ALMS1: variants seen among roughly 807,000 people sequenced by gnomAD.
The protein encoded by ALMS1 is ALMS1 centrosome and basal body associated protein, also known as centrosome-associated protein ALMS1.
Under a neutral mutation model 352.2 loss-of-function variants are expected in ALMS1, and 271 were observed. That is an observed-to-expected ratio of 0.77 (90% CI 0.70 to 0.85). ALMS1 has a LOEUF of 0.85. Among genes scored for constraint, ALMS1 ranks in the 40% least tolerant of loss-of-function variants. ALMS1 has a pLI of 0.00. For missense variants in ALMS1, 5,445 were observed against 4,870.7 expected, an observed-to-expected ratio of 1.12 and a Z score of -3.51; for synonymous variants, 1,865 against 1,761.2, an observed-to-expected ratio of 1.06 and a Z score of -1.48.
In ALMS1 at chr2:73,490,817, A is replaced by G; in HGVS notation, c.8858A>G (p.Gln2953Arg). The G allele has an allele frequency of 1.2e-6, 2 of 1,614,068 alleles. No individual in the cohort carries two copies. Among genetic ancestry groups the G allele is most frequent in the Non-Finnish European group, 8.5e-7 (1 of 1,180,014 alleles). Residue 2953 changes from glutamine (Q) to arginine (R), a missense_variant, in exon 10 of 23, where the codon CAG (glutamine) becomes CGG (arginine). Coordinates refer to ENST00000613296, the MANE Select transcript of ALMS1 (RefSeq NM_001378454.1). ...AACCATTCTCCCCTTCCTCAAGGTCAGGATTCTATAGCTTCAGACCTTCCG... is the reference window on the plus strand; with the variant it reads ...AACCATTCTCCCCTTCCTCAAGGTCGGGATTCTATAGCTTCAGACCTTCCG... ...RENHSPLPQG[Q>R]DSIASDLPSP...
At position 73,559,054 on chromosome 2, in the gene ALMS1, T is replaced by C. The variant is rs1674602608; in HGVS notation, c.10296T>C (p.Ile3432=). 1 of 1,613,980 alleles carries C rather than the reference T, an allele frequency of 6.2e-7. No individual in the cohort carries two copies. Among genetic ancestry groups the C allele is most frequent in the Non-Finnish European group, 8.5e-7 (1 of 1,179,952 alleles). ...AGAACTTGCCAGACACTAAAGCCAT[T>C]ACACAGAAAGAGGAGATCCATAGGA... The part of the protein sequence containing the change: ...EMKNLPDTKA[I]TQKEEIHRKK... The change falls in exon 15 of 23, where the codon ATT becomes ATC. Residue 3432 remains isoleucine, a synonymous_variant. Transcript: ENST00000613296.
At chr2:73,599,170 G>A (rs1675617535) in intron 16 of ALMS1, among the ~76,000 whole-genome samples, 1 of 152,124 alleles carries the variant, frequency 6.6e-6, no homozygotes, top group Non-Finnish European at 1.5e-5. Flanking sequence ...AGTGAAAATA[G>A]CCAGGCTTTT....
chr2:73,594,957 AC>A (rs1211317643), intron 16 of ALMS1, among the ~76,000 whole-genome samples: 1 of 152,196 alleles, frequency 6.6e-6, no homozygotes, highest in Non-Finnish European at 1.5e-5. Context: ...GAGCGTATTG[AC>A]CAACACAACT....
Position 73,556,893 on chromosome 2 carries a change from G to C in ALMS1, c.10079-327G>C, listed in dbSNP as rs376865094. On this transcript the variant is annotated intron_variant, in intron 13 of 22. Coordinates refer to ENST00000613296, the MANE Select transcript of ALMS1 (RefSeq NM_001378454.1). ...GTTTTTGTATTTATAGTAGAGTTGG[G>C]GTTTCACCGTGTTGGCCAGGCTGGT... is the stretch of plus-strand genomic sequence containing the variant. Among the ~76,000 whole-genome samples, 19 of 151,864 alleles carry C rather than the reference G, an allele frequency of 1.3e-4. 1 individual carries two copies. The highest frequency in any genetic ancestry group is 1.2e-3 in the Admixed American group (18 of 15,228).
chr2:73,525,867 A>T (rs1673780348), intron 11 of ALMS1, among the ~76,000 whole-genome samples: 1 of 152,152 alleles, frequency 6.6e-6, no homozygotes, highest in Non-Finnish European at 1.5e-5. Flanking sequence ...AATGTCCTAG[A>T]GAGTTTTCTC....
chr2:73,534,369 A>G (rs1288165881), intron 11 of ALMS1, among the ~76,000 whole-genome samples: 2 of 152,162 alleles, frequency 1.3e-5, no homozygotes, highest in Non-Finnish European at 2.9e-5. Context: ...TGGAAGCAGA[A>G]TAAGACCAGT....
intron 11 of ALMS1, among the ~76,000 whole-genome samples, chr2:73,532,960 G>C (rs1289565647): frequency 1.3e-5 from 2 of 152,180 alleles, no homozygotes; most frequent in Non-Finnish European, 2.9e-5. Context: ...TGCCAGGACT[G>C]GGTCCTTCCC....
At chr2:73,595,744 C>G (rs1208079616) in intron 16 of ALMS1, among the ~76,000 whole-genome samples, 2 of 152,190 alleles carry the variant, frequency 1.3e-5, no homozygotes, top group Non-Finnish European at 2.9e-5. Context: ...ATTTTACATT[C>G]TCGCCTGCAA....
rs1315627184 is a variant in ALMS1, at chr2:73,448,671, C to G, written c.2144C>G (p.Pro715Arg). 11 of 1,613,640 alleles carry G rather than the reference C, an allele frequency of 6.8e-6. No individual in the cohort carries two copies. Among genetic ancestry groups the G allele is most frequent in the Non-Finnish European group, 8.5e-6 (10 of 1,179,800 alleles). ...GGGACAGCAACAGTACTCTCTACTCCCCACTCACATAGAGAGAAGCCTGGT... is the reference window on the plus strand; with the variant it reads ...GGGACAGCAACAGTACTCTCTACTCGCCACTCACATAGAGAGAAGCCTGGT... ...KTGTATVLST[P>R]HSHREKPGIF... Residue 715 changes from proline to arginine, a missense_variant, in exon 8 of 23, where the codon CCC becomes CGC. Pro to Arg is a moderately radical substitution (Grantham distance 103). Coordinates refer to ENST00000613296, the MANE Select transcript of ALMS1 (RefSeq NM_001378454.1).
chr2:73,583,837 G>A (rs1307338146), intron 16 of ALMS1, among the ~76,000 whole-genome samples: 1 of 152,106 alleles, frequency 6.6e-6, no homozygotes, highest in Non-Finnish European at 1.5e-5. Flanking sequence ...TCATTGGTCT[G>A]CTTGTTTGTC....
chr2:73,426,214 A>G (rs1167649440), intron 5 of ALMS1, among the ~76,000 whole-genome samples: 1 of 152,242 alleles, frequency 6.6e-6, no homozygotes, highest in Non-Finnish European at 1.5e-5. Flanking sequence ...TGTTAACTGT[A>G]GAAATGCCAT....
intron 1 of ALMS1, among the ~76,000 whole-genome samples, chr2:73,392,796 C>A (rs1314435200): frequency 6.6e-6 from 1 of 152,048 alleles, no homozygotes; most frequent in Non-Finnish European, 1.5e-5. Flanking sequence ...ATGTATAATG[C>A]TACCGTAGAC....
chr2:73,414,489 G>GTTTTTTTTTTTTTTGTT (rs11395837), intron 2 of ALMS1, among the ~76,000 whole-genome samples: 2 of 94,250 alleles, frequency 2.1e-5, no homozygotes, highest in Non-Finnish European at 3.9e-5. Context: ...TTTTTTTTTT[G>GTTTTTTTTTTTTTTGTT]TTTTTTTTTT....
intron 2 of ALMS1, among the ~76,000 whole-genome samples, chr2:73,411,316 C>T (rs1261563472): frequency 6.6e-6 from 1 of 152,014 alleles, no homozygotes; most frequent in Non-Finnish European, 1.5e-5. Flanking sequence ...AGGAAGGACC[C>T]TCCCCTAGGG....
intron 1 of ALMS1, among the ~76,000 whole-genome samples, chr2:73,386,795 C>A (rs1316866658): frequency 1.3e-5 from 2 of 152,132 alleles, no homozygotes; most frequent in African/African-American, 4.8e-5. Flanking sequence ...ACAGATAATA[C>A]ACAATGGAGA....
chr2:73,556,029 G>A (rs1674534724), intron 13 of ALMS1, among the ~76,000 whole-genome samples: 1 of 152,132 alleles, frequency 6.6e-6, no homozygotes, highest in African/African-American at 2.4e-5. Context: ...TAAATTTGGT[G>A]TAAAGGCTGC....
chr2:73,455,568 T>A (rs1442716552), intron 9 of ALMS1, among the ~76,000 whole-genome samples: 1 of 152,178 alleles, frequency 6.6e-6, no homozygotes, highest in East Asian at 1.9e-4. Context: ...CCTGCTCGGC[T>A]AATTTTTAAA....
At chr2:73,488,655 C>T (rs1672907985) in intron 9 of ALMS1, among the ~76,000 whole-genome samples, 1 of 152,212 alleles carries the variant, frequency 6.6e-6, no homozygotes, top group Non-Finnish European at 1.5e-5. Context: ...GGCATCATTG[C>T]AGCAGCCACT....
At chr2:73,458,608 A>G (rs187085368) in intron 9 of ALMS1, 1 of 152,372 alleles carries the variant, frequency 6.6e-6, no homozygotes, top group African/African-American at 2.4e-5. Flanking sequence ...AGAAAGAGGT[A>G]TTGAATTAAA....
Sources: gnomAD v4.1 joint callset for allele counts (sites outside exome capture counted in the v4.1 genomes callset) on GRCh38, gnomAD v4.1.1 for gene constraint, MANE v1.5 for transcripts, NCBI Gene and HGNC (gene_info 2026-07-23, HGNC 2026-07-21) for gene names.